The following MIPEP variants were observed in gnomAD, a reference collection of about 807,000 sequenced individuals.
MIPEP encodes the protein mitochondrial intermediate peptidase.
In MIPEP, 79 loss-of-function variants were observed where a neutral mutation model predicts 90.3. The observed-to-expected ratio is 0.87, with a 90% CI of 0.73 to 1.05. The LOEUF (loss-of-function observed/expected upper bound fraction) is 1.05, where lower values mean the gene tolerates loss of function less well. MIPEP is among the 50% of genes least tolerant of loss of function. The pLI is 0.00. For missense variants in MIPEP, 940 were observed against 905.6 expected, an observed-to-expected ratio of 1.04 and a Z score of -0.49; for synonymous variants, 334 against 315.8, an observed-to-expected ratio of 1.06 and a Z score of -0.61.
At chr13:23,767,741 C>T (rs1386418293) in intron 16 of MIPEP, among the ~76,000 whole-genome samples, 3 of 152,118 alleles carry the variant, frequency 2.0e-5, no homozygotes, top group Non-Finnish European at 2.9e-5. Flanking sequence ...TGTGAGCCAC[C>T]ACGCCTGGCC....
At chr13:23,770,080 T>C (rs75896973) in intron 16 of MIPEP, among the ~76,000 whole-genome samples, 299 of 152,306 alleles carry the variant, frequency 2.0e-3, no homozygotes, top group African/African-American at 7.0e-3. Flanking sequence ...CTCCTCTTTG[T>C]AAATTACCCG....
At chr13:23,790,806 C>T (rs1344457326) in intron 16 of MIPEP, among the ~76,000 whole-genome samples, 1 of 152,192 alleles carries the variant, frequency 6.6e-6, no homozygotes, top group African/African-American at 2.4e-5. Flanking sequence ...TATTAAGCCA[C>T]CAAGTTTGTG....
chr13:23,762,810 C>T (rs1478222800), intron 16 of MIPEP, among the ~76,000 whole-genome samples: 1 of 152,140 alleles, frequency 6.6e-6, no homozygotes, highest in Non-Finnish European at 1.5e-5. Context: ...AAATGCCACC[C>T]CCAAACAGTA....
chr13:23,781,463 A>G (rs957953589), intron 16 of MIPEP, among the ~76,000 whole-genome samples: 69 of 152,214 alleles, frequency 4.5e-4, no homozygotes, highest in African/African-American at 1.5e-3. Flanking sequence ...AGCACTAAAC[A>G]TGGAAAGGAA....
chr13:23,823,478 G>A (rs1406028185), intron 14 of MIPEP, among the ~76,000 whole-genome samples: 1 of 152,180 alleles, frequency 6.6e-6, no homozygotes, highest in Non-Finnish European at 1.5e-5. Flanking sequence ...GGGCATGACA[G>A]TCCTACGTTA....
chr13:23,866,520 C>T (rs1280341286), intron 7 of MIPEP, among the ~76,000 whole-genome samples: 1 of 152,174 alleles, frequency 6.6e-6, no homozygotes, highest in Admixed American at 6.5e-5. Context: ...TCACATCTGA[C>T]CTGGCCACAG....
Position 23,840,012 on chromosome 13 carries a change from C to A in MIPEP, c.1261-286G>T, listed in dbSNP as rs113895263. On this transcript the variant is annotated intron_variant, in intron 11 of 18. Coordinates refer to ENST00000382172, the MANE Select transcript of MIPEP (RefSeq NM_005932.4). ...CCTCTACAATACCTTTACTAACCAC[C>A]CACAAGAGCTGGGAAGAAGTGCTGG... Among the ~76,000 whole-genome samples, 356 of 152,310 alleles carry A rather than the reference C, an allele frequency of 2.3e-3. 1 individual carries two copies. The highest frequency in any genetic ancestry group is 8.1e-3 in the African/African-American group (337 of 41,572).
At chr13:23,879,383 G>C (rs375478190) in intron 3 of MIPEP, 29 bp from the exon 4 acceptor site, 14 of 1,208,254 alleles carry the variant, frequency 1.2e-5, no homozygotes, top group East Asian at 2.3e-5. Flanking sequence ...TAAAAAATTA[G>C]ATGATTTTCT....
At chr13:23,868,132 T>C (rs1344234584) in intron 7 of MIPEP, among the ~76,000 whole-genome samples, 1 of 151,984 alleles carries the variant, frequency 6.6e-6, no homozygotes. Context: ...ATGTAAGTGT[T>C]TTAAGGGTTC....
At chr13:23,873,736 G>T (rs138103725) in intron 5 of MIPEP, among the ~76,000 whole-genome samples, 1 of 152,268 alleles carries the variant, frequency 6.6e-6, no homozygotes, top group Non-Finnish European at 1.5e-5. Context: ...GGAAGGGAAA[G>T]AATACAACTA....
At chr13:23,751,412 G>A (rs1252682617) in intron 18 of MIPEP, among the ~76,000 whole-genome samples, 2 of 152,140 alleles carry the variant, frequency 1.3e-5, no homozygotes, top group East Asian at 1.9e-4. Context: ...AAACAAAATC[G>A]AGTTTCAGTT....
chr13:23,808,966 C>T (rs942764907), intron 15 of MIPEP, among the ~76,000 whole-genome samples: 3 of 152,114 alleles, frequency 2.0e-5, no homozygotes, highest in Admixed American at 1.3e-4. Context: ...TGAATACTGC[C>T]TAAGATGAAA....
chr13:23,760,251 A>T, intron 16 of MIPEP, 34 bp from the exon 17 acceptor site: 1 of 1,613,620 alleles, frequency 6.2e-7, no homozygotes, highest in Non-Finnish European at 8.5e-7. Context: ...CACGGGACAC[A>T]AGTCAGTTTC....
At chr13:23,830,891 A>C (rs1362179884) in intron 14 of MIPEP, among the ~76,000 whole-genome samples, 2 of 152,152 alleles carry the variant, frequency 1.3e-5, no homozygotes, top group Non-Finnish European at 2.9e-5. Flanking sequence ...GATCAAACAC[A>C]CTGGGACTGG....
chr13:23,841,283 C>A, intron 11 of MIPEP, 52 bp downstream of exon 11: 1 of 1,540,360 alleles, frequency 6.5e-7, no homozygotes, highest in Non-Finnish European at 8.7e-7. Flanking sequence ...GACTCAACTG[C>A]CCAACCGAAA....
intron 16 of MIPEP, among the ~76,000 whole-genome samples, chr13:23,782,187 T>C (rs554445956): frequency 1.4e-4 from 22 of 152,158 alleles, no homozygotes; most frequent in Non-Finnish European, 2.1e-4. Flanking sequence ...TATTCCAAAA[T>C]TGACCACATA....
intron 18 of MIPEP, among the ~76,000 whole-genome samples, chr13:23,749,269 C>T (rs1042488512): frequency 3.9e-5 from 6 of 152,040 alleles, no homozygotes; most frequent in African/African-American, 9.7e-5. Context: ...TATTGCTCCT[C>T]GATTGTCGTG....
At chr13:23,748,720 T>A (rs9507158) in intron 18 of MIPEP, among the ~76,000 whole-genome samples, 1 of 152,126 alleles carries the variant, frequency 6.6e-6, no homozygotes, top group African/African-American at 2.4e-5. Flanking sequence ...TCCTTCCTCC[T>A]AAGTCCCTCA....
chr13:23,875,789 T>C (rs1201277547), intron 4 of MIPEP, among the ~76,000 whole-genome samples: 1 of 152,154 alleles, frequency 6.6e-6, no homozygotes, highest in Non-Finnish European at 1.5e-5. Context: ...CTATCAAAGA[T>C]AATGACTATT....
Sources: allele counts gnomAD v4.1 joint callset (sites outside exome capture counted in the v4.1 genomes callset), GRCh38; gene constraint gnomAD v4.1.1; transcripts MANE v1.5; gene names NCBI Gene and HGNC (gene_info 2026-07-23, HGNC 2026-07-21).